The following PGAP4 variants were observed in gnomAD, a reference collection of about 807,000 sequenced individuals.
PGAP4 encodes the protein post-GPI attachment to proteins GalNAc transferase 4.
PGAP4 carries 12 observed loss-of-function variants against 28.2 expected under a neutral mutation model. The ratio of observed to expected loss-of-function variants is 0.42; its 90% CI spans 0.27 to 0.69. The LOEUF is 0.69. Among genes scored for constraint, PGAP4 ranks in the 30% least tolerant of loss-of-function variants. PGAP4 has a pLI of 0.22. For synonymous variants in PGAP4, 205 were observed against 211.8 expected, an observed-to-expected ratio of 0.97 and a Z score of 0.28; for missense variants, 425 against 513.5, an observed-to-expected ratio of 0.83 and a Z score of 1.67.
chr9:101,493,986 T>A (rs992335158), intron 2 of PGAP4, among the ~76,000 whole-genome samples: 2 of 152,056 alleles, frequency 1.3e-5, no homozygotes, highest in Non-Finnish European at 2.9e-5. Context: ...AGGGTTTTTT[T>A]AAAGAAATAT....
intron 2 of PGAP4, among the ~76,000 whole-genome samples, chr9:101,501,157 G>C (rs1377504826): frequency 6.6e-6 from 1 of 152,056 alleles, no homozygotes; most frequent in Non-Finnish European, 1.5e-5. Context: ...CCAGCATGAA[G>C]CCACATTACC....
intron 2 of PGAP4, chr9:101,501,716 G>C: frequency 5.8e-6 from 3 of 519,176 alleles, no homozygotes; most frequent in Non-Finnish European, 1.2e-5. Flanking sequence ...TAGATCATTG[G>C]GACCCAGTTT....
At position 101,474,938 on chromosome 9, in the gene PGAP4, A is replaced by G. The variant is rs1214273401; in HGVS notation, c.*943T>C. 2.0e-5 allele frequency: 3 copies of G among 151,082 alleles called. No homozygotes were observed. Among genetic ancestry groups the G allele is most frequent in the African/African-American group, 4.9e-5 (2 of 41,024 alleles). 9.4% of individuals were successfully genotyped at this position (151,082 alleles called of 1,614,324 possible). ...CCCAAGGTGGTCACGTCGTTAGGCC[A>G]TGGCAGAGATCTGAAATAAAAGGTC... On this transcript the variant is annotated 3_prime_UTR_variant, in exon 2 of 2. Coordinates refer to ENST00000374848, the MANE Select transcript of PGAP4 (RefSeq NM_032342.3).
At chr9:101,507,809 ATG>A (rs1826860318) in intron 2 of PGAP4, among the ~76,000 whole-genome samples, 1 of 152,118 alleles carries the variant, frequency 6.6e-6, no homozygotes, top group Non-Finnish European at 1.5e-5. Context: ...TTAAAGCTAG[ATG>A]TGTTGGAAAA....
intron 2 of PGAP4, among the ~76,000 whole-genome samples, chr9:101,530,373 T>G (rs948975427): frequency 2.0e-5 from 3 of 152,180 alleles, no homozygotes; most frequent in African/African-American, 7.2e-5. Flanking sequence ...AAATACTCAT[T>G]AAGTCATCAT....
chr9:101,504,767 G>T (rs960499440), intron 2 of PGAP4, among the ~76,000 whole-genome samples: 3 of 152,046 alleles, frequency 2.0e-5, no homozygotes, highest in African/African-American at 7.2e-5. Context: ...TCAGAAATTT[G>T]GGTTTCCTTC....
chr9:101,522,607 G>A (rs1006459336), intron 2 of PGAP4, among the ~76,000 whole-genome samples: 4 of 152,066 alleles, frequency 2.6e-5, no homozygotes, highest in Admixed American at 6.5e-5. Flanking sequence ...TATGTGAGTC[G>A]TTATGTGTAA....
chr9:101,530,826 T>C (rs1827082193), intron 2 of PGAP4, among the ~76,000 whole-genome samples: 1 of 152,268 alleles, frequency 6.6e-6, no homozygotes, highest in Non-Finnish European at 1.5e-5. Context: ...TCAATTTCGC[T>C]GGGCCACTGT....
At chr9:101,523,627 T>A (rs1313027395) in intron 2 of PGAP4, among the ~76,000 whole-genome samples, 13 of 64,304 alleles carry the variant, frequency 2.0e-4, no homozygotes, top group East Asian at 8.1e-4. Flanking sequence ...ATCTTTTTTT[T>A]TTTTTTTTTT....
intron 2 of PGAP4, among the ~76,000 whole-genome samples, chr9:101,519,560 G>A (rs533622408): frequency 2.0e-5 from 3 of 151,910 alleles, no homozygotes; most frequent in South Asian, 2.1e-4. Context: ...CTCTGTGGGT[G>A]GTCTGCTTAC....
chr9:101,505,056 C>T (rs374930067), intron 2 of PGAP4, among the ~76,000 whole-genome samples: 5 of 152,090 alleles, frequency 3.3e-5, no homozygotes, highest in African/African-American at 1.2e-4. Context: ...TATGACATTT[C>T]CTCCTTAAGC....
At chr9:101,531,194 CTACACACACACACACACACA>C (rs1827085981) in intron 2 of PGAP4, 1 of 106,088 alleles carries the variant, frequency 9.4e-6, no homozygotes, top group Non-Finnish European at 1.9e-5. Context: ...AAATCTCTTT[CTACACACACACACACACACA>C]CACACACACA....
chr9:101,527,415 C>T (rs758236469), intron 2 of PGAP4, among the ~76,000 whole-genome samples: 32 of 152,000 alleles, frequency 2.1e-4, no homozygotes, highest in Non-Finnish European at 4.1e-4. Flanking sequence ...TAATACATGT[C>T]GTTGTTGGAG....
intron 2 of PGAP4, among the ~76,000 whole-genome samples, chr9:101,506,378 T>A (rs1826848842): frequency 6.6e-6 from 1 of 152,082 alleles, no homozygotes; most frequent in South Asian, 2.1e-4. Context: ...AGGTATGAAA[T>A]CAAATTCAAG....
rs1167900479 is a variant in PGAP4 at position 101,476,986 on chromosome 9, C to A, written c.107G>T (p.Gly36Val). 4 of 1,613,706 alleles carry A rather than the reference C, an allele frequency of 2.5e-6. No individual in the cohort carries two copies. Among genetic ancestry groups the A allele is most frequent in the Non-Finnish European group, 3.4e-6 (4 of 1,179,960 alleles). Residue 36 changes from glycine to valine, a missense_variant, in exon 2 of 2, where the codon GGC becomes GTC. By Grantham distance (109) the Gly-to-Val change is moderately radical. Transcript: ENST00000374848. This position sits in a 1 kb window ranked among gnomAD's most constrained non-coding sequence, Gnocchi z 7.0. ...GTGACAGGCCAGGGGGGCCAGCAGG[C>A]CAAACGTCACCACTGTTAGGATGAA... ...QLFILTVVTF[G>V]LLAPLACHRL...
At chr9:101,494,079 C>A (rs1826715268) in intron 2 of PGAP4, among the ~76,000 whole-genome samples, 1 of 151,810 alleles carries the variant, frequency 6.6e-6, no homozygotes, top group African/African-American at 2.4e-5. Context: ...CAAAGGCCAA[C>A]TTTAGATTTT....
Position 101,477,100 on chromosome 9 carries a change from A to G in PGAP4, c.-8T>C, listed in dbSNP as rs764315878. The stretch of plus-strand genomic sequence containing the variant: ...AGAGGTTGAAGTGCTCATGAGGTCA[A>G]CTTTTGTTCATGTCTGGTCCCAAGA... On this transcript the variant is annotated 5_prime_UTR_variant, in exon 2 of 2. Coordinates refer to ENST00000374848, the MANE Select transcript of PGAP4 (RefSeq NM_032342.3). 4.5e-6 allele frequency: 7 copies of G among 1,553,672 alleles called. No individual in the cohort carries two copies. The highest frequency in any genetic ancestry group is 2.5e-5 in the South Asian group (2 of 79,942).
At chr9:101,505,791 C>T (rs935935627) in intron 2 of PGAP4, among the ~76,000 whole-genome samples, 63 of 152,194 alleles carry the variant, frequency 4.1e-4, no homozygotes, top group Middle Eastern at 3.4e-3. Flanking sequence ...CAACCCTACC[C>T]ACCCCCTTTG....
chr9:101,487,822 A>C (rs766094121), upstream of PGAP4, among the ~76,000 whole-genome samples: 3 of 152,248 alleles, frequency 2.0e-5, no homozygotes, highest in Non-Finnish European at 4.4e-5. Context: ...ATATGAATTC[A>C]AAATTTGATG....
Sources: allele counts gnomAD v4.1 joint callset (sites outside exome capture counted in the v4.1 genomes callset), GRCh38; gene constraint gnomAD v4.1.1; non-coding constraint Gnocchi (gnomAD v3.1); transcripts MANE v1.5; gene names NCBI Gene and HGNC (gene_info 2026-07-23, HGNC 2026-07-21).